ARHGAP4: variants seen among roughly 807,000 people sequenced by gnomAD.
ARHGAP4 encodes the protein Rho GTPase activating protein 4.
In ARHGAP4, 25 loss-of-function variants were observed where a neutral mutation model predicts 67.6. The observed-to-expected ratio is 0.37, with a 90% CI of 0.27 to 0.52. ARHGAP4 has a LOEUF of 0.52. Among genes scored for constraint, ARHGAP4 ranks in the 20% least tolerant of loss-of-function variants. ARHGAP4 has a pLI of 0.92. For missense variants in ARHGAP4, 804 were observed against 854.6 expected (o/e 0.94, Z 0.74); for synonymous variants, 448 against 373.7 (o/e 1.20, Z -2.29).
chrX:153,921,594 A>T lies in ARHGAP4; in HGVS notation c.272+11T>A. The T allele has an allele frequency of 8.3e-7, 1 of 1,208,410 alleles. No individual in the cohort carries two copies. ...GCCCTGCCGTGGCCCCCCTGCCAGCACATCACCTACCGGAAGCTTTGGTGC... is the reference window on the plus strand; with the variant it reads ...GCCCTGCCGTGGCCCCCCTGCCAGCTCATCACCTACCGGAAGCTTTGGTGC... On this transcript the variant is annotated intron_variant, in intron 2 of 21. Coordinates refer to ENST00000350060, the MANE Select transcript of ARHGAP4 (RefSeq NM_001666.5).
At chrX:153,914,285 A>T in intron 7 of ARHGAP4, 1 of 176,756 alleles carries the variant, frequency 5.7e-6, no homozygotes, top group Non-Finnish European at 1.1e-5. Context: ...TGGCTCCTTT[A>T]GGGGTGACAA....
chrX:153,916,539 T>G (rs2065056731), intron 7 of ARHGAP4, among the ~76,000 whole-genome samples: 1 of 112,923 alleles, frequency 8.9e-6, no homozygotes, highest in African/African-American at 3.2e-5. Context: ...CTCTCCTCCC[T>G]AGACAGGGTC....
chrX:153,908,277 C>T (rs1000406289), intron 21 of ARHGAP4, among the ~76,000 whole-genome samples: 30 of 112,046 alleles, frequency 2.7e-4, no homozygotes, highest in Admixed American at 1.4e-3. Flanking sequence ...CGCCAGCGTG[C>T]GGGGACTCCC....
chrX:153,919,898 C>T (rs1043595698), intron 5 of ARHGAP4, among the ~76,000 whole-genome samples: 1 of 110,501 alleles, frequency 9.0e-6, no homozygotes, highest in African/African-American at 3.3e-5. Context: ...GTGATTCTCC[C>T]GCCTCAGCCT....
chrX:153,917,336 G>C (rs1320539933), intron 7 of ARHGAP4, among the ~76,000 whole-genome samples: 1 of 112,394 alleles, frequency 8.9e-6, no homozygotes, highest in Admixed American at 9.4e-5. Flanking sequence ...CTTGAACCCA[G>C]GAGGCGAAGT....
chrX:153,914,459 G>A (rs1362068103), intron 7 of ARHGAP4, among the ~76,000 whole-genome samples: 1 of 112,527 alleles, frequency 8.9e-6, no homozygotes, highest in Non-Finnish European at 1.9e-5. Context: ...ACTTTGGGAG[G>A]CTGAGGCGGA....
rs889936392 is a variant in ARHGAP4, at chrX:153,920,715, G to A, written c.592C>T (p.Arg198Trp). The change falls in exon 5 of 22, where the codon CGG becomes TGG. Residue 198 changes from arginine to tryptophan, a missense_variant. By Grantham distance (101) the Arg-to-Trp change is moderately radical. This residue lies in a region of ARHGAP4 where 404 missense variants were observed against 505.9 expected (regional missense o/e 0.80). Transcript: ENST00000350060. ...CCAGCGGTGGTGGTGGGGACACTCC[G>A]GCCTGCCCGCTTCTCCTCCTGCCGC... ...AERQEEKRAG[R>W]SVPTTTAGAT... 6.6e-6 allele frequency: 8 copies of A among 1,211,619 alleles called. No individual in the cohort carries two copies. Among genetic ancestry groups the A allele is most frequent in the South Asian group, 5.3e-5 (3 of 57,038 alleles).
Position 153,910,494 on chromosome X carries a change from C to T in ARHGAP4, c.1922+12G>A, listed in dbSNP as rs782278839. 1.1e-5 allele frequency: 13 copies of T among 1,199,896 alleles called. No individual in the cohort carries two copies. The East Asian group carries it at 1.8e-4, about 17-fold the overall frequency. ...CTGGCCCCCACCCCAGCACTCGCCC[C>T]GCAGCACTCACTGGTTGAGGAAGGT... is the stretch of plus-strand genomic sequence containing the variant. On this transcript the variant is annotated intron_variant, in intron 16 of 21. Coordinates refer to ENST00000350060, the MANE Select transcript of ARHGAP4 (RefSeq NM_001666.5).
In ARHGAP4 at chrX:153,913,056, G is replaced by A; in HGVS notation, c.1412-5C>T. ...CCTCCTGCTCCTCCTTGTCACCTGTGGGGTGGGAGAACATTGGTCTGCCTC... is the reference window on the plus strand; with the variant it reads ...CCTCCTGCTCCTCCTTGTCACCTGTAGGGTGGGAGAACATTGGTCTGCCTC... On this transcript the variant is annotated splice_polypyrimidine_tract_variant and splice_region_variant and intron_variant, in intron 10 of 21. Coordinates refer to ENST00000350060, the MANE Select transcript of ARHGAP4 (RefSeq NM_001666.5). 1 of 1,191,015 alleles carries A rather than the reference G, an allele frequency of 8.4e-7. No homozygotes were observed. Among genetic ancestry groups the A allele is most frequent in the Non-Finnish European group, 1.1e-6 (1 of 884,501 alleles).
chrX:153,922,207 C>A, intron 1 of ARHGAP4: 1 of 843,351 alleles, frequency 1.2e-6, no homozygotes. Context: ...CCGCCGGTAC[C>A]CAGGCTCCGG....
intron 1 of ARHGAP4, among the ~76,000 whole-genome samples, chrX:153,922,969 CT>C (rs35441863): frequency 1.8e-5 from 2 of 110,722 alleles, no homozygotes; most frequent in Middle Eastern, 4.6e-3. Context: ...GGGAGGACCT[CT>C]TTTTAAAGGA....
rs2064982866 is a variant in ARHGAP4, at chrX:153,907,927, C to G, written c.2643G>C (p.Glu881Asp). 1 of 1,079,138 alleles carries G rather than the reference C, an allele frequency of 9.3e-7. No homozygotes were observed. Among genetic ancestry groups the G allele is most frequent in the Non-Finnish European group, 1.2e-6 (1 of 828,290 alleles). 88.9% of individuals were successfully genotyped at this position (1,079,138 alleles called of 1,213,427 possible). Residue 881 changes from glutamate (E) to aspartate (D), a missense_variant, in exon 22 of 22, where the codon GAG becomes GAC. Around this residue, in one of 2 missense-constraint regions of ARHGAP4, gnomAD observed 400 missense variants for 348.7 expected, o/e 1.15. Transcript: ENST00000350060. ...VAQNMDSVFK[E>D]LLGKTSVRQG... ...GGCGGACAGAGGTCTTTCCCAAGAG[C>G]TCCTTAAACACAGAGTCCATGTTCT...
intron 5 of ARHGAP4, chrX:153,919,713 G>A (rs1363309977): frequency 8.9e-6 from 10 of 1,119,893 alleles, no homozygotes; most frequent in South Asian, 6.7e-5. Flanking sequence ...ACCCCAAAGG[G>A]TAGGGATAGA....
At chrX:153,908,020 C>T (rs2064983965) in intron 21 of ARHGAP4, 58 bp from the exon 22 acceptor site, 2 of 1,035,085 alleles carry the variant, frequency 1.9e-6, no homozygotes, top group South Asian at 2.7e-5. Context: ...TGACCCTGCC[C>T]AAGACCCACC....
rs1037089046 is a variant in ARHGAP4 at position 153,920,327 on chromosome X, C to A, written c.681+299G>T. 1.2e-5 allele frequency: 4 copies of A among 341,596 alleles called. No homozygotes were observed. The Admixed American group carries it at 2.1e-4, about 18-fold the overall frequency. The allele number at this position is 341,596 out of a possible 1,213,427, so 28.2% of individuals were successfully genotyped here. On this transcript the variant is annotated intron_variant, in intron 5 of 21. Transcript: ENST00000350060. ...CCGTGCGTGTCACCCCATCACCCAC[C>A]CTAAGTGTCTTCTTGCCCCCCTCTG...
Position 153,920,621 on chromosome X carries a change from C to A in ARHGAP4, c.681+5G>T. ...GCCTGCGTCTGAGGTGCCCTCCAGG[C>A]CCACCTTCTCCACCAGCCTCCCTCC... On this transcript the variant is annotated splice_donor_5th_base_variant and intron_variant, in intron 5 of 21. Coordinates refer to ENST00000350060, the MANE Select transcript of ARHGAP4 (RefSeq NM_001666.5). The A allele has an allele frequency of 1.7e-6, 2 of 1,196,169 alleles. No homozygotes were observed. Among genetic ancestry groups the A allele is most frequent in the Admixed American group, 2.2e-5 (1 of 45,312 alleles).
At chrX:153,917,079 G>A (rs112740567) in intron 7 of ARHGAP4, among the ~76,000 whole-genome samples, 1 of 111,652 alleles carries the variant, frequency 9.0e-6, no homozygotes, top group African/African-American at 3.3e-5. Flanking sequence ...AGCCAGGCGT[G>A]GTGGCGGGCA....
Position 153,913,460 on chromosome X carries a change from C to T in ARHGAP4, c.1275G>A (p.Gln425=). Residue 425 remains glutamine, a synonymous_variant, in exon 9 of 22, where the codon CAG becomes CAA. Coordinates refer to ENST00000350060, the MANE Select transcript of ARHGAP4 (RefSeq NM_001666.5). The part of the protein sequence containing the change: ...KSTSSDPGSR[Q]AGRRRGQQQE... ...GCTGCTGGCCGCGCCTCCGGCCCGCCTGCCGGCTGCCTGGGTCTGAGCTGG... is the reference window on the plus strand; with the variant it reads ...GCTGCTGGCCGCGCCTCCGGCCCGCTTGCCGGCTGCCTGGGTCTGAGCTGG... The T allele has an allele frequency of 8.3e-7, 1 of 1,211,774 alleles. No homozygotes were observed. The highest frequency in any genetic ancestry group is 1.1e-6 in the Non-Finnish European group (1 of 895,444).
In ARHGAP4 at chrX:153,910,929, G is replaced by A. The variant is rs532716652; in HGVS notation, c.1674C>T (p.Phe558=). The change falls in exon 14 of 22, where the codon TTC becomes TTT. Residue 558 remains phenylalanine (F), a synonymous_variant. Transcript: ENST00000350060. The part of the protein sequence containing the change: ...QLRVSEIRDA[F]ERGEDPLVEG... ...CGCCCTGCCCGTCCCCACCTCTCTC[G>A]AAGGCATCACGGATCTCTGAGACCC... is the stretch of plus-strand genomic sequence containing the variant. The A allele has an allele frequency of 2.5e-4, 253 of 1,007,124 alleles. No homozygotes were observed. The South Asian group carries it at 4.0e-3, about 16-fold the overall frequency. The allele number at this position is 1,007,124 out of a possible 1,213,427, so 83.0% of individuals were successfully genotyped here. A position where few individuals can be genotyped will look rare whatever the true frequency, so the allele number is the denominator to read the frequency against.
Sources: allele counts gnomAD v4.1 joint callset (sites outside exome capture counted in the v4.1 genomes callset), GRCh38; gene constraint gnomAD v4.1.1; regional missense constraint gnomAD v4.1.1; transcripts MANE v1.5; gene names NCBI Gene and HGNC (gene_info 2026-07-23, HGNC 2026-07-21).